CDC14B: variants seen among roughly 807,000 people sequenced by gnomAD.
The protein encoded by CDC14B is cell division cycle 14B.
A neutral mutation model predicts 64.2 loss-of-function variants in CDC14B; 22 were observed. The ratio of observed to expected loss-of-function variants is 0.34; its 90% confidence interval spans 0.24 to 0.49. CDC14B has a LOEUF of 0.49. Among genes scored for constraint, CDC14B ranks in the 20% least tolerant of loss-of-function variants. CDC14B has a pLI of 0.99. For synonymous variants in CDC14B, 191 were observed against 215.8 expected, an observed-to-expected ratio of 0.89 and a Z score of 1.01; for missense variants, 498 against 629.9, an observed-to-expected ratio of 0.79 and a Z score of 2.24.
At chr9:96,574,486 GT>G (rs1801031847) in intron 1 of CDC14B, among the ~76,000 whole-genome samples, 5 of 151,828 alleles carry the variant, frequency 3.3e-5, no homozygotes, top group Admixed American at 3.3e-4. Flanking sequence ...AGCTTTAAAA[GT>G]TTTATAAGAA....
At chr9:96,520,107 C>T (rs1406733590) in intron 12 of CDC14B, among the ~76,000 whole-genome samples, 2 of 152,042 alleles carry the variant, frequency 1.3e-5, no homozygotes, top group East Asian at 1.9e-4. Flanking sequence ...AAAGCAGAGA[C>T]GGGGATAAGC....
At position 96,503,677 on chromosome 9, in the gene CDC14B, G is replaced by T. The variant is rs749896189; in HGVS notation, c.*76C>A. On this transcript the variant is annotated 3_prime_UTR_variant, in exon 14 of 14. Transcript: ENST00000375241. ...ACTAAGGCTTTTGCAATTTTGTTTT[G>T]TTTTCAAATTGTGCTAATTTCTGTT... 2 of 1,363,090 alleles carry T rather than the reference G, an allele frequency of 1.5e-6. 1 individual carries two copies. The allele number at this position is 1,363,090 out of a possible 1,614,324, so 84.4% of individuals were successfully genotyped here.
chr9:96,565,347 T>A (rs746038537), intron 2 of CDC14B, 46 bp downstream of exon 2: 10 of 1,200,724 alleles, frequency 8.3e-6, no homozygotes, highest in Non-Finnish European at 1.2e-5. Context: ...TACCTTTAGA[T>A]TCTTCAAAAA....
chr9:96,521,774 T>G (rs772990369), intron 12 of CDC14B, among the ~76,000 whole-genome samples: 4 of 152,204 alleles, frequency 2.6e-5, no homozygotes, highest in Admixed American at 6.5e-5. Flanking sequence ...GGAAATCTGG[T>G]GTCCCACAAT....
chr9:96,526,198 T>C (rs921526795), intron 9 of CDC14B, among the ~76,000 whole-genome samples: 1 of 151,980 alleles, frequency 6.6e-6, no homozygotes, highest in African/African-American at 2.4e-5. Context: ...AAACCCTGTC[T>C]CTACTAAAAA....
At chr9:96,607,381 A>T (rs1588072606) in intron 1 of CDC14B, among the ~76,000 whole-genome samples, 1 of 144,856 alleles carries the variant, frequency 6.9e-6, no homozygotes, top group Non-Finnish European at 1.5e-5. Context: ...TTTGGAGCAA[A>T]GCTGTTATTC....
At chr9:96,599,761 C>T (rs1377527852) in intron 1 of CDC14B, among the ~76,000 whole-genome samples, 1 of 151,500 alleles carries the variant, frequency 6.6e-6, no homozygotes, top group Non-Finnish European at 1.5e-5. Flanking sequence ...TTTTTTGAGA[C>T]GGATTCTCAC....
At chr9:96,547,611 G>A (rs1587914970) in intron 5 of CDC14B, among the ~76,000 whole-genome samples, 1 of 151,978 alleles carries the variant, frequency 6.6e-6, no homozygotes, top group East Asian at 1.9e-4. Context: ...ATGCCACCCT[G>A]CCCAGCTAAT....
At chr9:96,603,505 T>TACC (rs1564387984) in intron 1 of CDC14B, among the ~76,000 whole-genome samples, 1 of 152,198 alleles carries the variant, frequency 6.6e-6, no homozygotes, top group African/African-American at 2.4e-5. Context: ...AACCTGGCTG[T>TACC]ACCACAAGTG....
At chr9:96,586,929 T>G (rs1019815071) in intron 1 of CDC14B, among the ~76,000 whole-genome samples, 1 of 151,876 alleles carries the variant, frequency 6.6e-6, no homozygotes, top group African/African-American at 2.4e-5. Context: ...TCCCAGCACT[T>G]TGGGAGGCTG....
intron 1 of CDC14B, among the ~76,000 whole-genome samples, chr9:96,570,070 T>C (rs1343346039): frequency 6.6e-6 from 1 of 152,206 alleles, no homozygotes; most frequent in African/African-American, 2.4e-5. Context: ...TAACATGATA[T>C]AGGAGAAAGA....
At chr9:96,614,947 T>G (rs1192259368) in intron 1 of CDC14B, among the ~76,000 whole-genome samples, 1 of 152,184 alleles carries the variant, frequency 6.6e-6, no homozygotes, top group Non-Finnish European at 1.5e-5. Flanking sequence ...TTCAAGAGAT[T>G]CTTCTGCCTC....
At chr9:96,537,390 C>G (rs1372056933) in intron 7 of CDC14B, among the ~76,000 whole-genome samples, 1 of 152,196 alleles carries the variant, frequency 6.6e-6, no homozygotes, top group Non-Finnish European at 1.5e-5. Context: ...CCCCAGGCTC[C>G]TGGGATGGCC....
chr9:96,575,508 A>G (rs1844749526), intron 1 of CDC14B, among the ~76,000 whole-genome samples: 1 of 152,206 alleles, frequency 6.6e-6, no homozygotes, highest in Non-Finnish European at 1.5e-5. Flanking sequence ...ATAAGTTTTC[A>G]TACTTTCCAA....
intron 4 of CDC14B, among the ~76,000 whole-genome samples, chr9:96,558,022 T>C (rs1842703348): frequency 2.0e-5 from 3 of 152,198 alleles, no homozygotes; most frequent in African/African-American, 7.2e-5. Context: ...AAAATCTAAC[T>C]GCTGTGGCAG....
At chr9:96,558,900 T>C (rs1842814440) in intron 4 of CDC14B, among the ~76,000 whole-genome samples, 1 of 152,232 alleles carries the variant, frequency 6.6e-6, no homozygotes, top group African/African-American at 2.4e-5. Flanking sequence ...GTGCAAAAGA[T>C]TTTTAGCTTC....
chr9:96,553,360 CTTT>C (rs113951578), intron 4 of CDC14B, among the ~76,000 whole-genome samples: 4 of 138,588 alleles, frequency 2.9e-5, no homozygotes, highest in Non-Finnish European at 4.7e-5. Flanking sequence ...CTTTTCTTTT[CTTT>C]TTTTTTTTTT....
chr9:96,561,084 G>A (rs559051954), intron 4 of CDC14B, among the ~76,000 whole-genome samples: 1 of 151,576 alleles, frequency 6.6e-6, no homozygotes, highest in Admixed American at 6.6e-5. Flanking sequence ...CTACAGGCAT[G>A]TGCCACCACG....
chr9:96,523,983 C>T (rs1194078517), intron 9 of CDC14B, among the ~76,000 whole-genome samples: 1 of 152,216 alleles, frequency 6.6e-6, no homozygotes, highest in Non-Finnish European at 1.5e-5. Flanking sequence ...GCCCAGCAGG[C>T]TGGAGTGCAA....
Sources: allele counts gnomAD v4.1 joint callset (sites outside exome capture counted in the v4.1 genomes callset), GRCh38; gene constraint gnomAD v4.1.1; transcripts MANE v1.5; gene names NCBI Gene and HGNC (gene_info 2026-07-23, HGNC 2026-07-21).